Variants in MAP2K4 observed in about 807,000 individuals in gnomAD.
The protein encoded by MAP2K4 is dual specificity mitogen-activated protein kinase kinase 4.
Under a neutral mutation model 48.5 loss-of-function variants are expected in MAP2K4, and 4 were observed. The observed-to-expected ratio is 0.08, with a 90% CI of 0.04 to 0.19. The LOEUF (loss-of-function observed/expected upper bound fraction) is 0.19, where lower values mean the gene tolerates loss of function less well. Ranked by LOEUF, MAP2K4 falls within the 10% of genes least tolerant of loss-of-function variation. The pLI is 1.00. For synonymous variants in MAP2K4, 166 were observed against 173.1 expected (o/e 0.96, Z 0.32); for missense variants, 258 against 493.3 (o/e 0.52, Z 4.52).
chr17:12,036,269 T>C (rs1237450217), intron 1 of MAP2K4, among the ~76,000 whole-genome samples: 4 of 152,206 alleles, frequency 2.6e-5, no homozygotes, highest in African/African-American at 7.2e-5. Context: ...AAAAAATATT[T>C]TTCCATTTGT....
intron 1 of MAP2K4, among the ~76,000 whole-genome samples, chr17:12,052,790 G>A (rs964666928): frequency 2.0e-5 from 3 of 152,048 alleles, no homozygotes; most frequent in Non-Finnish European, 4.4e-5. Flanking sequence ...TTCTGTAAAC[G>A]ATTTGCCATA....
intron 9 of MAP2K4, among the ~76,000 whole-genome samples, chr17:12,134,850 A>G (rs1973152797): frequency 6.6e-6 from 1 of 152,206 alleles, no homozygotes; most frequent in South Asian, 2.1e-4. Flanking sequence ...GGTGCATTAG[A>G]TATCTTGGAC....
intron 3 of MAP2K4, among the ~76,000 whole-genome samples, chr17:12,087,332 A>G (rs573258859): frequency 6.6e-6 from 1 of 152,252 alleles, no homozygotes; most frequent in Non-Finnish European, 1.5e-5. Flanking sequence ...ATGATCTGTC[A>G]TTTATGGTCT....
chr17:12,113,076 A>G (rs1452316420), intron 6 of MAP2K4, 157 bp from the exon 7 acceptor site: 1 of 535,090 alleles, frequency 1.9e-6, no homozygotes, highest in African/African-American at 1.9e-5. Flanking sequence ...TAATTATTGT[A>G]TGTGATAAAT....
In MAP2K4 at chr17:12,054,894, C is replaced by T. The variant is rs2151526195; in HGVS notation, c.121C>T (p.Arg41Cys). 1.9e-6 allele frequency: 3 copies of T among 1,601,766 alleles called. No homozygotes were observed. The highest frequency in any genetic ancestry group is 2.6e-6 in the Non-Finnish European group (3 of 1,169,534). The change falls in exon 2 of 11, where the codon CGC becomes TGC. Residue 41 changes from arginine to cysteine, a missense_variant. Physicochemically the swap from Arg to Cys is radical, Grantham distance 180. Around this residue, in one of 3 missense-constraint regions of MAP2K4, gnomAD observed 132 missense variants for 352.8 expected, o/e 0.37. Coordinates refer to ENST00000353533, the MANE Select transcript of MAP2K4 (RefSeq NM_003010.4). Reference sequence around the variant, plus strand: ...TTTTATTTGTTATTTCTCAGGTAAACGCAAAGCACTGAAGTTGAATTTTGC... The same window carrying T: ...TTTTATTTGTTATTTCTCAGGTAAATGCAAAGCACTGAAGTTGAATTTTGC... ...HPAVSSMQGKRKALKLNFANP... is the reference protein window; with the variant it reads ...HPAVSSMQGKCKALKLNFANP...
chr17:12,101,731 TAA>T (rs1172362064), intron 4 of MAP2K4, among the ~76,000 whole-genome samples: 1 of 152,160 alleles, frequency 6.6e-6, no homozygotes, highest in Non-Finnish European at 1.5e-5. Context: ...TTTCGCTGTA[TAA>T]GTCTTTCATG....
At chr17:12,064,197 C>T (rs1165791363) in intron 2 of MAP2K4, among the ~76,000 whole-genome samples, 1 of 152,140 alleles carries the variant, frequency 6.6e-6, no homozygotes, top group Non-Finnish European at 1.5e-5. Context: ...TGCATCATAG[C>T]TTAGCCTCCA....
At chr17:12,083,434 C>G (rs1449612653) in intron 3 of MAP2K4, among the ~76,000 whole-genome samples, 1 of 152,180 alleles carries the variant, frequency 6.6e-6, no homozygotes, top group African/African-American at 2.4e-5. Flanking sequence ...GAAGAACTTT[C>G]AAGGCAGTCA....
chr17:12,070,559 G>A (rs62061004), intron 2 of MAP2K4, among the ~76,000 whole-genome samples: 25,613 of 152,166 alleles, frequency 0.17, 2,539 homozygotes, highest in South Asian at 0.3. Flanking sequence ...AATTATAAAT[G>A]TAAAAGAGAA....
chr17:12,024,070 A>G (rs1969179931), intron 1 of MAP2K4, among the ~76,000 whole-genome samples: 1 of 152,120 alleles, frequency 6.6e-6, no homozygotes, highest in African/African-American at 2.4e-5. Flanking sequence ...TGTTCTCTCT[A>G]ACCTGTTGAT....
intron 9 of MAP2K4, among the ~76,000 whole-genome samples, chr17:12,136,566 A>AT (rs1029732900): frequency 5.9e-5 from 9 of 152,192 alleles, no homozygotes; most frequent in Admixed American, 5.9e-4. Context: ...AAGGAAATGC[A>AT]TTTTTTATTG....
intron 3 of MAP2K4, among the ~76,000 whole-genome samples, chr17:12,093,728 A>G (rs1971640005): frequency 6.6e-6 from 1 of 152,114 alleles, no homozygotes; most frequent in Non-Finnish European, 1.5e-5. Flanking sequence ...TCCCCAACCA[A>G]AGGGTTATTT....
At chr17:12,139,330 T>C (rs1278301424) in intron 9 of MAP2K4, among the ~76,000 whole-genome samples, 1 of 152,210 alleles carries the variant, frequency 6.6e-6, no homozygotes, top group Non-Finnish European at 1.5e-5. Context: ...TTTTAAACTT[T>C]TGGACCAAAG....
intron 5 of MAP2K4, among the ~76,000 whole-genome samples, chr17:12,109,554 C>T (rs543909163): frequency 6.6e-6 from 1 of 152,130 alleles, no homozygotes; most frequent in African/African-American, 2.4e-5. Context: ...TGTCTCTTTT[C>T]CTTCCCTTCC....
intron 2 of MAP2K4, among the ~76,000 whole-genome samples, chr17:12,075,001 T>C (rs1259015040): frequency 6.6e-6 from 1 of 152,172 alleles, no homozygotes; most frequent in East Asian, 1.9e-4. Context: ...TACTTCATAG[T>C]AGGACAAGTG....
At chr17:12,110,254 T>C in intron 5 of MAP2K4, 121 bp from the exon 6 acceptor site, 1 of 695,608 alleles carries the variant, frequency 1.4e-6, no homozygotes, top group Non-Finnish European at 2.5e-6. Flanking sequence ...GACAAAATAT[T>C]GAAATATTAA....
intron 2 of MAP2K4, among the ~76,000 whole-genome samples, chr17:12,064,269 G>C (rs117849802): frequency 0.016 from 2,424 of 152,166 alleles, 34 homozygotes; most frequent in Non-Finnish European, 0.025. Flanking sequence ...ATTTTTTGTA[G>C]AGGTGGGATC....
At chr17:12,106,940 G>GT (rs1218269319) in intron 4 of MAP2K4, among the ~76,000 whole-genome samples, 1 of 151,490 alleles carries the variant, frequency 6.6e-6, no homozygotes, top group African/African-American at 2.4e-5. Context: ...GTTTTGTTTT[G>GT]TTTTTTCTTT....
chr17:12,027,427 C>A (rs1422144622), intron 1 of MAP2K4, among the ~76,000 whole-genome samples: 1 of 151,964 alleles, frequency 6.6e-6, no homozygotes, highest in African/African-American at 2.4e-5. Flanking sequence ...CAAAATTGCT[C>A]AAACATTGAA....
Sources: gnomAD v4.1 joint callset for allele counts (sites outside exome capture counted in the v4.1 genomes callset) on GRCh38, gnomAD v4.1.1 for gene constraint, gnomAD v4.1.1 regional missense constraint, MANE v1.5 for transcripts, NCBI Gene and HGNC (gene_info 2026-07-23, HGNC 2026-07-21) for gene names.